TTC28: variants seen among roughly 807,000 people sequenced by gnomAD.
The protein encoded by TTC28 is tetratricopeptide repeat protein 28.
TTC28 carries 61 observed loss-of-function variants against 198.0 expected under a neutral mutation model. The ratio of observed to expected loss-of-function variants is 0.31; its 90% CI spans 0.25 to 0.38. The LOEUF is 0.38. Ranked by LOEUF, TTC28 falls within the 10% of genes least tolerant of loss-of-function variation. TTC28 has a pLI of 1.00. For synonymous variants in TTC28, 1,171 were observed against 1,297.8 expected (o/e 0.90, Z 2.10); for missense variants, 2,678 against 3,164.0 (o/e 0.85, Z 3.69).
chr22:28,018,079 T>C (rs1220969812), intron 13 of TTC28, among the ~76,000 whole-genome samples: 1 of 152,166 alleles, frequency 6.6e-6, no homozygotes, highest in Non-Finnish European at 1.5e-5. Context: ...CTGGCCCTTC[T>C]TGCAACCTGG....
chr22:28,332,691 A>G (rs2045636053), intron 2 of TTC28, among the ~76,000 whole-genome samples: 1 of 152,152 alleles, frequency 6.6e-6, no homozygotes, highest in South Asian at 2.1e-4. Flanking sequence ...TTTGTAAAAC[A>G]TACTTTATAT....
intron 20 of TTC28, 92 bp from the exon 21 acceptor site, chr22:27,990,099 C>T: frequency 1.4e-6 from 2 of 1,442,772 alleles, no homozygotes; most frequent in Non-Finnish European, 1.9e-6. Flanking sequence ...TCACCTGTCA[C>T]TGGCATCGCT....
chr22:28,087,362 C>T (rs1231410027), intron 12 of TTC28, among the ~76,000 whole-genome samples: 14 of 152,044 alleles, frequency 9.2e-5, no homozygotes, highest in Non-Finnish European at 1.6e-4. Context: ...TCAATATATG[C>T]AAATCAATAA....
At chr22:28,262,572 G>A (rs865963621) in intron 5 of TTC28, among the ~76,000 whole-genome samples, 8 of 151,996 alleles carry the variant, frequency 5.3e-5, no homozygotes, top group Admixed American at 1.3e-4. Context: ...ACTAACAGCC[G>A]ATTTCTATAG....
intron 2 of TTC28, among the ~76,000 whole-genome samples, chr22:28,505,405 C>T (rs913786854): frequency 6.6e-6 from 1 of 152,132 alleles, no homozygotes; most frequent in Admixed American, 6.5e-5. Context: ...CAGGTCCTCA[C>T]AGTGGAACTG....
At chr22:28,380,653 T>C (rs2046480586) in intron 2 of TTC28, among the ~76,000 whole-genome samples, 1 of 152,178 alleles carries the variant, frequency 6.6e-6, no homozygotes, top group African/African-American at 2.4e-5. Flanking sequence ...TTCCTGTCCA[T>C]TGACATGCAA....
intron 2 of TTC28, among the ~76,000 whole-genome samples, chr22:28,537,236 T>A (rs2049299583): frequency 6.7e-6 from 1 of 150,124 alleles, no homozygotes. Flanking sequence ...GAGCTTGCAG[T>A]GAGTCGAGAT....
intron 2 of TTC28, among the ~76,000 whole-genome samples, chr22:28,549,527 T>A (rs5762680): frequency 0.65 from 98,349 of 151,992 alleles, 32,802 homozygotes; most frequent in South Asian, 0.78. Flanking sequence ...GACTGTAAAC[T>A]ATAAAAACAA....
At chr22:28,373,620 GTT>G (rs2046368641) in intron 2 of TTC28, among the ~76,000 whole-genome samples, 1 of 152,128 alleles carries the variant, frequency 6.6e-6, no homozygotes, top group Non-Finnish European at 1.5e-5. Context: ...AAACAAGCTT[GTT>G]TAGTAGGTAA....
rs114932057 is a variant in TTC28 at position 28,549,366 on chromosome 22, T to C, written c.381+80186A>G. On this transcript the variant is annotated intron_variant, in intron 2 of 22. Transcript: ENST00000397906. ...TTATTGAGCACACTATTATTGTCTA[T>C]TGATCAGTCTGGTTTTCTGTATATT... Among the ~76,000 whole-genome samples, 466 of 152,340 alleles carry C rather than the reference T, an allele frequency of 3.1e-3. 4 individuals are homozygous for C. Among genetic ancestry groups the C allele is most frequent in the African/African-American group, 0.011 (444 of 41,578 alleles).
At chr22:28,011,556 C>T (rs1010502553) in intron 14 of TTC28, among the ~76,000 whole-genome samples, 7 of 152,042 alleles carry the variant, frequency 4.6e-5, no homozygotes, top group African/African-American at 1.7e-4. Flanking sequence ...TGATCACTGC[C>T]ACTGCATTCA....
intron 2 of TTC28, among the ~76,000 whole-genome samples, chr22:28,400,651 C>A (rs1393745602): frequency 8.5e-5 from 13 of 152,194 alleles, no homozygotes; most frequent in Middle Eastern, 6.8e-3. Context: ...TTGTAAGGAG[C>A]CTTTTCCCAA....
At chr22:28,039,998 A>G (rs1016416392) in intron 12 of TTC28, among the ~76,000 whole-genome samples, 10 of 152,222 alleles carry the variant, frequency 6.6e-5, no homozygotes, top group African/African-American at 2.2e-4. Context: ...AGAAATGGAT[A>G]AATTCCTGGA....
At chr22:28,478,132 G>A (rs1195866253) in intron 2 of TTC28, among the ~76,000 whole-genome samples, 3 of 152,190 alleles carry the variant, frequency 2.0e-5, no homozygotes, top group South Asian at 2.1e-4. Flanking sequence ...ACAAGTGGAA[G>A]TTTAAACATA....
chr22:28,561,856 T>C (rs1487615005), intron 2 of TTC28, among the ~76,000 whole-genome samples: 2 of 152,224 alleles, frequency 1.3e-5, no homozygotes, highest in African/African-American at 4.8e-5. Flanking sequence ...ATTAATCTCC[T>C]TGCCATATTT....
intron 5 of TTC28, among the ~76,000 whole-genome samples, chr22:28,284,508 T>C (rs2044643491): frequency 6.6e-6 from 1 of 151,830 alleles, no homozygotes; most frequent in Non-Finnish European, 1.5e-5. Flanking sequence ...AAAGAACAAA[T>C]AAGCAAATGG....
intron 5 of TTC28, among the ~76,000 whole-genome samples, chr22:28,272,026 T>C (rs1932117697): frequency 6.6e-6 from 1 of 152,178 alleles, no homozygotes; most frequent in Admixed American, 6.5e-5. Flanking sequence ...CACTTGTAAC[T>C]GAGAGTCCAT....
intron 2 of TTC28, among the ~76,000 whole-genome samples, chr22:28,364,016 G>A (rs1203433923): frequency 6.6e-6 from 1 of 152,076 alleles, no homozygotes; most frequent in Non-Finnish European, 1.5e-5. Context: ...AAGACTTTGG[G>A]GGACTGTTGA....
chr22:28,029,163 G>A (rs1391070952), intron 13 of TTC28: 2 of 469,412 alleles, frequency 4.3e-6, no homozygotes, highest in Admixed American at 2.4e-5. Context: ...AGGTGGCTGG[G>A]AAGAAGGAAC....
Sources: gnomAD v4.1 joint callset for allele counts (sites outside exome capture counted in the v4.1 genomes callset) on GRCh38, gnomAD v4.1.1 for gene constraint, MANE v1.5 for transcripts, NCBI Gene and HGNC (gene_info 2026-07-23, HGNC 2026-07-21) for gene names.